SFXN5: variants seen among roughly 807,000 people sequenced by gnomAD.
The protein encoded by SFXN5 is sideroflexin-5.
In SFXN5, 43 loss-of-function variants were observed where a neutral mutation model predicts 50.2. The observed-to-expected ratio is 0.86, with a 90% confidence interval of 0.67 to 1.11. The LOEUF is 1.11. Ranked by LOEUF, SFXN5 falls within the 50% of genes least tolerant of loss-of-function variation. SFXN5 has a pLI of 0.00. For synonymous variants in SFXN5, 203 were observed against 185.8 expected (o/e 1.09, Z -0.75); for missense variants, 463 against 454.1 (o/e 1.02, Z -0.18).
chr2:73,052,374 G>A (rs796652399), intron 2 of SFXN5, among the ~76,000 whole-genome samples: 1 of 145,686 alleles, frequency 6.9e-6, no homozygotes, highest in East Asian at 1.9e-4. Context: ...GTGTGTGTGT[G>A]TGTGTGTGTG....
At chr2:73,071,460 T>C (rs1000818360) in intron 1 of SFXN5, 144 bp downstream of exon 1, 18 of 697,530 alleles carry the variant, frequency 2.6e-5, no homozygotes, top group African/African-American at 5.5e-5. Flanking sequence ...AGGGTGACTG[T>C]GACCGAGGTT....
At chr2:73,004,748 CCT>C (rs1468298719) in intron 6 of SFXN5, among the ~76,000 whole-genome samples, 7 of 152,148 alleles carry the variant, frequency 4.6e-5, no homozygotes, top group Admixed American at 1.3e-4. Flanking sequence ...GGGATCCTGC[CCT>C]CCAGGTCCTT....
intron 12 of SFXN5, chr2:72,967,346 C>T (rs1559098065): frequency 6.6e-6 from 1 of 151,956 alleles, no homozygotes; most frequent in Non-Finnish European, 1.5e-5. Flanking sequence ...ACAGAAAGTA[C>T]ACAACTAGAG....
chr2:72,974,885 A>G (rs1339169565), intron 10 of SFXN5, among the ~76,000 whole-genome samples: 1 of 151,962 alleles, frequency 6.6e-6, no homozygotes, highest in Non-Finnish European at 1.5e-5. Context: ...CAGAGAGAAC[A>G]AGAACATGCA....
intron 8 of SFXN5, 40 bp downstream of exon 8, chr2:73,000,391 G>C: frequency 2.6e-6 from 4 of 1,547,100 alleles, no homozygotes; most frequent in Non-Finnish European, 2.6e-6. Flanking sequence ...GGCCTCCCTA[G>C]CCTGAACCCC....
intron 10 of SFXN5, among the ~76,000 whole-genome samples, chr2:72,975,130 A>T (rs1248842025): frequency 6.6e-6 from 1 of 152,234 alleles, no homozygotes; most frequent in African/African-American, 2.4e-5. Context: ...CTTCTTGATG[A>T]TGGCAAGCTC....
chr2:72,972,165 T>G (rs996737059), intron 10 of SFXN5, among the ~76,000 whole-genome samples: 4 of 152,130 alleles, frequency 2.6e-5, no homozygotes, highest in Non-Finnish European at 5.9e-5. Context: ...TTCCCAGAAA[T>G]TTGCCTCCCT....
At chr2:73,035,388 T>C (rs1678839263) in intron 3 of SFXN5, among the ~76,000 whole-genome samples, 1 of 152,156 alleles carries the variant, frequency 6.6e-6, no homozygotes, top group Non-Finnish European at 1.5e-5. Flanking sequence ...CTACAGTCCT[T>C]ATTACGGTTA....
chr2:72,978,230 G>C (rs76705675), intron 10 of SFXN5, among the ~76,000 whole-genome samples: 9,441 of 151,064 alleles, frequency 0.062, 370 homozygotes, highest in East Asian at 0.17. Flanking sequence ...TTGGAAAAAT[G>C]CAAATTAAAA....
intron 12 of SFXN5, among the ~76,000 whole-genome samples, chr2:72,964,125 C>T (rs1674090693): frequency 1.3e-5 from 2 of 152,252 alleles, no homozygotes; most frequent in African/African-American, 2.4e-5. Context: ...AGGCCAGAGG[C>T]GAAGCAAGGC....
At chr2:72,976,438 T>A (rs1482435841) in intron 10 of SFXN5, among the ~76,000 whole-genome samples, 1 of 152,230 alleles carries the variant, frequency 6.6e-6, no homozygotes, top group Non-Finnish European at 1.5e-5. Flanking sequence ...ATTTCAGGAA[T>A]ATTTTTTTTC....
intron 3 of SFXN5, among the ~76,000 whole-genome samples, chr2:73,034,226 AGGGCCATGCT>A (rs1042927684): frequency 6.6e-5 from 10 of 152,210 alleles, no homozygotes; most frequent in African/African-American, 1.9e-4. Context: ...GCTACCAGTT[AGGGCCATGCT>A]GGGCCTGGCC....
intron 2 of SFXN5, among the ~76,000 whole-genome samples, chr2:73,052,373 T>TATGC (rs1559208572): frequency 9.4e-5 from 14 of 149,214 alleles, no homozygotes; most frequent in African/African-American, 3.3e-4. Flanking sequence ...TGTGTGTGTG[T>TATGC]GTGTGTGTGT....
At position 73,020,331 on chromosome 2, in the gene SFXN5, C is replaced by T. The variant is rs958937852; in HGVS notation, c.332-67G>A. On this transcript the variant is annotated intron_variant, in intron 5 of 13. Transcript: ENST00000272433. ...ACATCTCACCTGAGATACCCAGGAG[C>T]CTCCGGGTTAGGTCTTAGGCTATCA... The T allele has an allele frequency of 4.5e-6, 7 of 1,565,436 alleles. No individual in the cohort carries two copies. In the Admixed American group the frequency reaches 1.2e-4, roughly 27 times the overall value.
chr2:72,994,544 A>C (rs907090375), intron 9 of SFXN5, among the ~76,000 whole-genome samples: 4 of 152,104 alleles, frequency 2.6e-5, no homozygotes, highest in Non-Finnish European at 2.9e-5. Flanking sequence ...GGGTGTGAGG[A>C]ATGGGCGTGA....
At chr2:73,016,703 A>AAAAC (rs765610295) in intron 6 of SFXN5, among the ~76,000 whole-genome samples, 21 of 152,178 alleles carry the variant, frequency 1.4e-4, no homozygotes, top group Non-Finnish European at 2.2e-4. Flanking sequence ...GACTCTGTCT[A>AAAAC]AAACAAACAA....
intron 13 of SFXN5, among the ~76,000 whole-genome samples, chr2:72,959,754 C>G (rs964726025): frequency 3.9e-5 from 6 of 152,136 alleles, no homozygotes; most frequent in South Asian, 2.1e-4. Context: ...TCAGCGTCCT[C>G]GACATCTCTC....
intron 13 of SFXN5, among the ~76,000 whole-genome samples, chr2:72,951,273 C>A (rs896318947): frequency 6.6e-6 from 1 of 152,134 alleles, no homozygotes; most frequent in African/African-American, 2.4e-5. Flanking sequence ...TATCAGAGTG[C>A]CACCCCATCT....
intron 3 of SFXN5, among the ~76,000 whole-genome samples, chr2:73,040,120 C>T (rs946410136): frequency 6.6e-6 from 1 of 152,130 alleles, no homozygotes; most frequent in African/African-American, 2.4e-5. Context: ...CCCTTACAAG[C>T]ACTTTAGTAC....
Sources: gnomAD v4.1 joint callset for allele counts (sites outside exome capture counted in the v4.1 genomes callset) on GRCh38, gnomAD v4.1.1 for gene constraint, MANE v1.5 for transcripts, NCBI Gene and HGNC (gene_info 2026-07-23, HGNC 2026-07-21) for gene names.